RGSL1: variants seen among roughly 807,000 people sequenced by gnomAD.
RGSL1 encodes the protein regulator of G protein signaling protein-like.
A neutral mutation model predicts 124.7 loss-of-function variants in RGSL1; 97 were observed. The observed-to-expected ratio is 0.78, with a 90% CI of 0.66 to 0.92. RGSL1 has a LOEUF of 0.92. Ranked by LOEUF, RGSL1 falls within the 40% of genes least tolerant of loss-of-function variation. The probability of loss-of-function intolerance (pLI) is 0.00; values close to 1 mark genes in which losing one functional copy is unlikely to be tolerated. For synonymous variants in RGSL1, 424 were observed against 438.1 expected (o/e 0.97, Z 0.40); for missense variants, 1,233 against 1,288.4 (o/e 0.96, Z 0.66).
At chr1:182,478,193 C>G (rs1654438881) in intron 6 of RGSL1, among the ~76,000 whole-genome samples, 1 of 152,120 alleles carries the variant, frequency 6.6e-6, no homozygotes, top group South Asian at 2.1e-4. Flanking sequence ...AGCTATTCTC[C>G]CACCTTGGCC....
Position 182,474,347 on chromosome 1 carries a change from C to T in RGSL1, c.1236C>T (p.Val412=). Reference sequence around the variant, plus strand: ...AGGACTTGCAGCATTTCCTCAGTGTCCTTCTGAATAACAAAAAGAATGGGA... The same window carrying T: ...AGGACTTGCAGCATTTCCTCAGTGTTCTTCTGAATAACAAAAAGAATGGGA... ...LWQDLQHFLS[V]LLNNKKNGNA... is the part of the protein sequence containing the mutation. Residue 412 remains valine, a synonymous_variant, in exon 6 of 22, where the codon GTC becomes GTT. Transcript: ENST00000294854. The T allele has an allele frequency of 6.4e-7, 1 of 1,551,842 alleles. No individual in the cohort carries two copies. The highest frequency in any genetic ancestry group is 8.7e-7 in the Non-Finnish European group (1 of 1,147,020).
At chr1:182,467,256 G>GA (rs902451102) in intron 4 of RGSL1, among the ~76,000 whole-genome samples, 7 of 151,966 alleles carry the variant, frequency 4.6e-5, no homozygotes, top group Non-Finnish European at 1.0e-4. Flanking sequence ...CACAGAATTG[G>GA]AAAAAAACTG....
rs1198013745 is a variant in RGSL1 at position 182,488,554 on chromosome 1, G to A, written c.1494+207G>A. 11 of 532,770 alleles carry A rather than the reference G, an allele frequency of 2.1e-5. 1 individual carries two copies. The highest frequency in any genetic ancestry group is 1.0e-4 in the Admixed American group (3 of 30,050). The allele number at this position is 532,770 out of a possible 1,614,324, so 33.0% of individuals were successfully genotyped here. On this transcript the variant is annotated intron_variant, in intron 7 of 21. Transcript: ENST00000294854. Reference sequence around the variant, plus strand: ...CATAAGATGACTTTGGTGAAACCCCGTCTCTACTAAAAATACAAAAAATTA... The same window carrying A: ...CATAAGATGACTTTGGTGAAACCCCATCTCTACTAAAAATACAAAAAATTA...
At chr1:182,511,747 T>C (rs1311881256) in intron 9 of RGSL1, among the ~76,000 whole-genome samples, 1 of 152,220 alleles carries the variant, frequency 6.6e-6, no homozygotes, top group Non-Finnish European at 1.5e-5. Flanking sequence ...TGTGATTTCA[T>C]ATAAATTGCA....
Position 182,464,494 on chromosome 1 carries a change from G to C in RGSL1, c.301+4361G>C, listed in dbSNP as rs558158689. On this transcript the variant is annotated intron_variant, in intron 4 of 21. Transcript: ENST00000294854. ...ATCCCAGCACTTTGGGAGGCCTTAGGGGGTGGATCACCTCAGGTCAGGAGC... is the reference window on the plus strand; with the variant it reads ...ATCCCAGCACTTTGGGAGGCCTTAGCGGGTGGATCACCTCAGGTCAGGAGC... 3.4e-4 allele frequency among the ~76,000 whole-genome samples: 52 copies of C among 152,084 alleles called. 1 individual carries two copies. In the South Asian group the frequency reaches 7.1e-3, roughly 21 times the overall value.
At chr1:182,545,262 TAGAAACAA>T (rs1660136995) in intron 15 of RGSL1, among the ~76,000 whole-genome samples, 1 of 152,164 alleles carries the variant, frequency 6.6e-6, no homozygotes, top group African/African-American at 2.4e-5. Context: ...AAGAAAAGAA[TAGAAACAA>T]AGAAAAAACT....
At chr1:182,535,299 C>T (rs1659460204) in intron 14 of RGSL1, among the ~76,000 whole-genome samples, 1 of 152,180 alleles carries the variant, frequency 6.6e-6, no homozygotes, top group Non-Finnish European at 1.5e-5. Context: ...TAGTTTCCTG[C>T]CTCAAACAAA....
rs149892290 is a variant in RGSL1, at chr1:182,533,507, T to C, written c.2494+716T>C. ...GTGATGGAGATACAGTAGTGAACAGTAGTGAGCCTGCAGCAGAGGATCTGC... is the reference window on the plus strand; with the variant it reads ...GTGATGGAGATACAGTAGTGAACAGCAGTGAGCCTGCAGCAGAGGATCTGC... On this transcript the variant is annotated intron_variant, in intron 14 of 21. Transcript: ENST00000294854. Among the ~76,000 whole-genome samples, 221 of 152,198 alleles carry C rather than the reference T, an allele frequency of 1.5e-3. 2 individuals are homozygous for C. The highest frequency in any genetic ancestry group is 8.5e-3 in the South Asian group (41 of 4,826).
At chr1:182,558,246 T>TA (rs1375277891) in intron 21 of RGSL1, among the ~76,000 whole-genome samples, 1 of 151,884 alleles carries the variant, frequency 6.6e-6, no homozygotes, top group Non-Finnish European at 1.5e-5. Context: ...CTAGTTTGAA[T>TA]AAAAAATATG....
chr1:182,479,580 G>C (rs1178165750), intron 6 of RGSL1, among the ~76,000 whole-genome samples: 2 of 152,142 alleles, frequency 1.3e-5, no homozygotes, highest in Non-Finnish European at 2.9e-5. Flanking sequence ...AATAGAGAAA[G>C]AGAGGGAAGA....
In RGSL1 at chr1:182,473,945, C is replaced by T. The variant is rs867094467; in HGVS notation, c.834C>T (p.Pro278=). The T allele has an allele frequency of 7.7e-6, 12 of 1,552,020 alleles. No homozygotes were observed. The highest frequency in any genetic ancestry group is 1.0e-5 in the Non-Finnish European group (12 of 1,147,056). Residue 278 remains proline, a synonymous_variant, in exon 6 of 22, where the codon CCC becomes CCT. Coordinates refer to ENST00000294854, the MANE Select transcript of RGSL1 (RefSeq NM_001137669.2). ...TCAAGCCAGATGCTATTGGTATGCC[C>T]CTACAGGAGACATGTCCTCAAGAGA... The part of the protein sequence containing the change: ...MDLKPDAIGM[P]LQETCPQEKV...
At chr1:182,469,168 T>G (rs1653605588) in intron 4 of RGSL1, among the ~76,000 whole-genome samples, 1 of 151,970 alleles carries the variant, frequency 6.6e-6, no homozygotes, top group Admixed American at 6.6e-5. Flanking sequence ...AGAATTGGGC[T>G]TCATAAAAAA....
At chr1:182,523,830 G>A (rs1201182810) in intron 10 of RGSL1, among the ~76,000 whole-genome samples, 1 of 152,176 alleles carries the variant, frequency 6.6e-6, no homozygotes, top group Non-Finnish European at 1.5e-5. Flanking sequence ...ATGCAAGGCT[G>A]ACCTTAAAAT....
intron 5 of RGSL1, 95 bp from the exon 6 acceptor site, chr1:182,473,480 A>G (rs1654014850): frequency 1.5e-6 from 2 of 1,343,934 alleles, no homozygotes; most frequent in South Asian, 1.6e-5. Context: ...TGCTATATAC[A>G]AAGACATTTG....
Position 182,553,521 on chromosome 1 carries a change from C to A in RGSL1, c.3110C>A (p.Ala1037Glu), listed in dbSNP as rs1331793753. Reference protein sequence around the residue: ...GIEWLQPQREAISSVQNSSSS... With the variant: ...GIEWLQPQREEISSVQNSSSS... ...GAGTGGTTGCAGCCTCAACGGGAAGCAATAAGTTCAGTTCAAAATTGTGAG... is the reference window on the plus strand; with the variant it reads ...GAGTGGTTGCAGCCTCAACGGGAAGAAATAAGTTCAGTTCAAAATTGTGAG... The change falls in exon 19 of 22, where the codon GCA (alanine) becomes GAA (glutamate). Residue 1037 changes from alanine (A) to glutamate (E), a missense_variant. Physicochemically the swap from Ala to Glu is moderately radical, Grantham distance 107 (BLOSUM62 -1). Transcript: ENST00000294854. The A allele has an allele frequency of 6.4e-7, 1 of 1,551,898 alleles. No individual in the cohort carries two copies.
chr1:182,493,296 G>A (rs1655669411), intron 9 of RGSL1, among the ~76,000 whole-genome samples, 167 bp downstream of exon 9: 1 of 152,148 alleles, frequency 6.6e-6, no homozygotes, highest in African/African-American at 2.4e-5. Context: ...TTTCTCCTAC[G>A]AAACCACAGA....
At chr1:182,469,058 T>C (rs1224420936) in intron 4 of RGSL1, among the ~76,000 whole-genome samples, 1 of 152,010 alleles carries the variant, frequency 6.6e-6, no homozygotes. Context: ...GGCATAAAAC[T>C]ATAAAACTCA....
At position 182,455,352 on chromosome 1, in the gene RGSL1, T is replaced by TG. The variant is rs572531733; in HGVS notation, c.96+1318dup. On this transcript the variant is annotated intron_variant, in intron 2 of 21. Coordinates refer to ENST00000294854, the MANE Select transcript of RGSL1 (RefSeq NM_001137669.2). ...ACCCCAGCAATTTGGGAGGCCAAGG[T>TG]GGGGGGATCACCTGAATTTGGGAGT... Among the ~76,000 whole-genome samples, 23 of 151,912 alleles carry TG rather than the reference T, an allele frequency of 1.5e-4. No individual in the cohort carries two copies. The South Asian group carries it at 4.8e-3, about 32-fold the overall frequency.
chr1:182,525,926 C>A (rs1282073846), intron 10 of RGSL1, among the ~76,000 whole-genome samples: 1 of 151,876 alleles, frequency 6.6e-6, no homozygotes, highest in Admixed American at 6.6e-5. Flanking sequence ...CACTGCCCTG[C>A]AAAAATTAAT....
Sources: gnomAD v4.1 joint callset for allele counts (sites outside exome capture counted in the v4.1 genomes callset) on GRCh38, gnomAD v4.1.1 for gene constraint, MANE v1.5 for transcripts, NCBI Gene and HGNC (gene_info 2026-07-23, HGNC 2026-07-21) for gene names.